Variants in ING3 observed in about 807,000 individuals in gnomAD.
ING3 encodes the protein inhibitor of growth family member 3, also known as inhibitor of growth protein 3.
Under a neutral mutation model 64.8 loss-of-function variants are expected in ING3, and 6 were observed. The observed-to-expected ratio is 0.09, with a 90% confidence interval of 0.05 to 0.18. The LOEUF (loss-of-function observed/expected upper bound fraction) is 0.18, where lower values mean the gene tolerates loss of function less well. ING3 is among the 10% of genes least tolerant of loss of function. The probability of loss-of-function intolerance (pLI) is 1.00; values close to 1 mark genes in which losing one functional copy is unlikely to be tolerated. For synonymous variants in ING3, 170 were observed against 173.7 expected, an observed-to-expected ratio of 0.98 and a Z score of 0.17; for missense variants, 310 against 489.7, an observed-to-expected ratio of 0.63 and a Z score of 3.46.
intron 3 of ING3, 60 bp from the exon 4 acceptor site, chr7:120,955,499 C>T: frequency 9.0e-7 from 1 of 1,108,696 alleles, no homozygotes; most frequent in South Asian, 1.4e-5. Flanking sequence ...GTTGTATGTC[C>T]TGCATATGAA....
At chr7:120,974,374 A>G (rs899281595) in intron 11 of ING3, among the ~76,000 whole-genome samples, 2 of 152,224 alleles carry the variant, frequency 1.3e-5, no homozygotes, top group African/African-American at 2.4e-5. Context: ...AAGGCTGACT[A>G]TTAAATAAAA....
chr7:120,967,623 A>G lies in ING3; in HGVS notation c.531A>G (p.Ser177=), dbSNP rs1796013196. 6.2e-7 allele frequency: 1 copy of G among 1,602,546 alleles called. No individual in the cohort carries two copies. Among genetic ancestry groups the G allele is most frequent in the African/African-American group, 1.3e-5 (1 of 74,248 alleles). ...KSEALLSTLT[S]DASKENTLGC... is the part of the protein sequence containing the mutation. Reference sequence around the variant, plus strand: ...AAGCTCTTCTATCCACCCTTACGTCAGATGCCTCTAAGGAAAATACACTAG... The same window carrying G: ...AAGCTCTTCTATCCACCCTTACGTCGGATGCCTCTAAGGAAAATACACTAG... Residue 177 remains serine (S), a synonymous_variant, in exon 7 of 12, where the codon TCA becomes TCG. Transcript: ENST00000315870.
intron 4 of ING3, chr7:120,956,072 G>A: frequency 1.2e-6 from 1 of 851,892 alleles, no homozygotes; most frequent in South Asian, 1.4e-5. Context: ...GTTTATGTGA[G>A]TGATGTTAAA....
At chr7:120,953,790 C>T (rs956739385) in intron 3 of ING3, among the ~76,000 whole-genome samples, 1 of 152,050 alleles carries the variant, frequency 6.6e-6, no homozygotes, top group Non-Finnish European at 1.5e-5. Flanking sequence ...TTAGTGGACC[C>T]ACAGAAGAAC....
At chr7:120,959,060 T>G (rs1238545095) in intron 4 of ING3, among the ~76,000 whole-genome samples, 1 of 152,222 alleles carries the variant, frequency 6.6e-6, no homozygotes, top group Non-Finnish European at 1.5e-5. Context: ...ATTCTTGACC[T>G]TGTATTACCA....
intron 4 of ING3, among the ~76,000 whole-genome samples, chr7:120,960,318 A>G (rs1200893118): frequency 1.1e-4 from 16 of 152,188 alleles, no homozygotes. Context: ...GAGCCAGTCT[A>G]GGAGGAGAGT....
chr7:120,970,852 A>G lies in ING3; in HGVS notation c.1073A>G (p.Asn358Ser). 6.2e-7 allele frequency: 1 copy of G among 1,601,718 alleles called. No individual in the cohort carries two copies. Among genetic ancestry groups the G allele is most frequent in the South Asian group, 1.1e-5 (1 of 90,826 alleles). Residue 358 changes from asparagine to serine, a missense_variant, in exon 10 of 12, where the codon AAT becomes AGT. By Grantham distance (46) the Asn-to-Ser change is conservative. Coordinates refer to ENST00000315870, the MANE Select transcript of ING3 (RefSeq NM_019071.3). ...CAGGTTGATTGGACTTACGACCCAA[A>G]TGAACCTCGATACTGCATTTGTAAT... is the stretch of plus-strand genomic sequence containing the variant. ...NSQVDWTYDPNEPRYCICNQV... is the reference protein window; with the variant it reads ...NSQVDWTYDPSEPRYCICNQV...
chr7:120,957,297 G>C (rs1290150206), intron 4 of ING3, among the ~76,000 whole-genome samples: 1 of 152,016 alleles, frequency 6.6e-6, no homozygotes, highest in African/African-American at 2.4e-5. Flanking sequence ...GCGGGAACCC[G>C]GGAGGCGGAG....
intron 4 of ING3, among the ~76,000 whole-genome samples, chr7:120,961,992 A>G (rs1052537174): frequency 6.6e-6 from 1 of 152,186 alleles, no homozygotes; most frequent in African/African-American, 2.4e-5. Flanking sequence ...GGTAACTTAC[A>G]TCCTTGCTTT....
chr7:120,957,845 G>A (rs1335970269), intron 4 of ING3, among the ~76,000 whole-genome samples: 2 of 152,288 alleles, frequency 1.3e-5, no homozygotes, highest in East Asian at 1.9e-4. Flanking sequence ...CCCTAGCTCA[G>A]CCATTTCACT....
rs1263470015 is a variant in ING3, at chr7:120,967,550, C to T, written c.458C>T (p.Ser153Phe). ...TTAGAAAGGAAATATAATCCAACTT[C>T]TCACCATACGACAACAGATCATATT... ...PVEKRKYNPT[S>F]HHTTTDHIPE... Residue 153 changes from serine to phenylalanine, a missense_variant, in exon 7 of 12, where the codon TCT becomes TTT. Physicochemically the swap from Ser to Phe is radical, Grantham distance 155. Coordinates refer to ENST00000315870, the MANE Select transcript of ING3 (RefSeq NM_019071.3). The T allele has an allele frequency of 1.3e-6, 2 of 1,567,722 alleles. No homozygotes were observed. The highest frequency in any genetic ancestry group is 1.7e-6 in the Non-Finnish European group (2 of 1,146,738).
rs1279386944 is a variant in ING3 at position 120,971,061 on chromosome 7, C to T, written c.1101+181C>T. On this transcript the variant is annotated intron_variant, in intron 10 of 11. Transcript: ENST00000315870. ...ATACTGAGTATAAAGAAAAATGTTA[C>T]CCATAATCCTAGCCCTCAGATACAA... The T allele has an allele frequency of 1.5e-5, 11 of 723,428 alleles. No homozygotes were observed. The East Asian group carries it at 2.4e-4, about 16-fold the overall frequency. 44.8% of individuals were successfully genotyped at this position (723,428 alleles called of 1,614,324 possible).
In ING3 at chr7:120,962,454, A is replaced by G. The variant is rs139580020; in HGVS notation, c.268-2288A>G. On this transcript the variant is annotated intron_variant, in intron 4 of 11. Transcript: ENST00000315870. ...GCCTTTTCTGAGCTATCTAGTATTG[A>G]AAGTCTTGTCATTATTTTTAACATT... is the stretch of plus-strand genomic sequence containing the variant. Among the ~76,000 whole-genome samples the G allele has an allele frequency of 5.5e-4, 84 of 151,566 alleles. 1 individual carries two copies. Among genetic ancestry groups the G allele is most frequent in the African/African-American group, 1.9e-3 (79 of 41,288 alleles).
intron 4 of ING3, among the ~76,000 whole-genome samples, chr7:120,958,206 A>AT (rs1030428505): frequency 3.0e-5 from 4 of 133,432 alleles, no homozygotes; most frequent in East Asian, 2.2e-4. Flanking sequence ...CCTTTTTATT[A>AT]TTTTTTTTCT....
chr7:120,962,167 G>A (rs890038139), intron 4 of ING3, among the ~76,000 whole-genome samples: 1 of 152,158 alleles, frequency 6.6e-6, no homozygotes, highest in Non-Finnish European at 1.5e-5. Context: ...TATAGCTTAA[G>A]TTAATTCTTG....
In ING3 at chr7:120,968,865, A is replaced by G. The variant is rs937093574; in HGVS notation, c.715-146A>G. 8.3e-6 allele frequency: 4 copies of G among 481,792 alleles called. 1 individual carries two copies. The highest frequency in any genetic ancestry group is 6.4e-5 in the African/African-American group (3 of 47,020). The allele number at this position is 481,792 out of a possible 1,614,324, so 29.8% of individuals were successfully genotyped here. ...CACCTCAAAAAAAAAAAAAAAAAAA[A>G]GCTTAAATTCCAGTGATGAAAATAA... is the stretch of plus-strand genomic sequence containing the variant. On this transcript the variant is annotated intron_variant, in intron 8 of 11. Coordinates refer to ENST00000315870, the MANE Select transcript of ING3 (RefSeq NM_019071.3).
At chr7:120,971,016 A>C (rs990871121) in intron 10 of ING3, 136 bp downstream of exon 10, 10 of 948,936 alleles carry the variant, frequency 1.1e-5, no homozygotes, top group African/African-American at 5.0e-5. Context: ...CCCTTCTTAC[A>C]AAAGTGACAT....
intron 11 of ING3, among the ~76,000 whole-genome samples, chr7:120,974,089 C>T (rs899147986): frequency 6.6e-6 from 1 of 152,246 alleles, no homozygotes; most frequent in Admixed American, 6.5e-5. Flanking sequence ...TCAAGAACAT[C>T]ACTGTAAACT....
chr7:120,969,189 G>A lies in ING3; in HGVS notation c.893G>A (p.Ser298Asn), dbSNP rs761664024. 14 of 1,613,078 alleles carry A rather than the reference G, an allele frequency of 8.7e-6. No homozygotes were observed. The highest frequency in any genetic ancestry group is 1.2e-5 in the Non-Finnish European group (14 of 1,179,528). The stretch of plus-strand genomic sequence containing the variant: ...AGTTCATCAGCAGCCGACTCACGGA[G>A]TGGTCGAAAGAGCAAGTAAGTTTTA... ...NASSSAADSR[S>N]GRKSKNNNKS... is the part of the protein sequence containing the mutation. Residue 298 changes from serine (S) to asparagine (N), a missense_variant, in exon 9 of 12, where the codon AGT becomes AAT. Physicochemically the swap from Ser to Asn is conservative, Grantham distance 46 (BLOSUM62 1). Coordinates refer to ENST00000315870, the MANE Select transcript of ING3 (RefSeq NM_019071.3).
Sources: allele counts gnomAD v4.1 joint callset (sites outside exome capture counted in the v4.1 genomes callset), GRCh38; gene constraint gnomAD v4.1.1; transcripts MANE v1.5; gene names NCBI Gene and HGNC (gene_info 2026-07-23, HGNC 2026-07-21).